BRMS1L: variants seen among roughly 807,000 people sequenced by gnomAD.
BRMS1L encodes BRMS1 like transcriptional repressor.
A neutral mutation model predicts 50.3 loss-of-function variants in BRMS1L; 23 were observed. The ratio of observed to expected loss-of-function variants is 0.46; its 90% confidence interval spans 0.33 to 0.65. The LOEUF is 0.65. Ranked by LOEUF, BRMS1L falls within the 30% of genes least tolerant of loss-of-function variation. The pLI is 0.02. For synonymous variants in BRMS1L, 114 were observed against 126.9 expected (o/e 0.90, Z 0.69); for missense variants, 286 against 386.1 (o/e 0.74, Z 2.17).
intron 8 of BRMS1L, among the ~76,000 whole-genome samples, chr14:35,867,108 A>G (rs887972715): frequency 4.6e-5 from 7 of 152,228 alleles, no homozygotes; most frequent in Admixed American, 4.6e-4. Flanking sequence ...TGAATGAATG[A>G]ATGAATGAAT....
chr14:35,835,814 C>T (rs2077984540), intron 4 of BRMS1L, among the ~76,000 whole-genome samples: 1 of 152,124 alleles, frequency 6.6e-6, no homozygotes, highest in Non-Finnish European at 1.5e-5. Context: ...CACTGTTCTG[C>T]AGCCTGGGTA....
At chr14:35,831,314 T>G (rs1014701683) in intron 1 of BRMS1L, 96 bp from the exon 2 acceptor site, 4 of 821,332 alleles carry the variant, frequency 4.9e-6, no homozygotes, top group Non-Finnish European at 2.0e-6. Flanking sequence ...ATATTACAGT[T>G]TTTCTTCCTA....
At chr14:35,833,953 C>A (rs1055709605) in intron 3 of BRMS1L, among the ~76,000 whole-genome samples, 1 of 152,076 alleles carries the variant, frequency 6.6e-6, no homozygotes, top group African/African-American at 2.4e-5. Context: ...TGACAACATA[C>A]CCTTAGAAGT....
chr14:35,828,245 T>C (rs534503397), intron 1 of BRMS1L, among the ~76,000 whole-genome samples: 5 of 152,210 alleles, frequency 3.3e-5, no homozygotes. Flanking sequence ...TGATCTTGGC[T>C]CACTGCAACC....
intron 4 of BRMS1L, among the ~76,000 whole-genome samples, chr14:35,853,679 A>G (rs530628948): frequency 6.6e-6 from 1 of 152,180 alleles, no homozygotes; most frequent in Admixed American, 6.5e-5. Context: ...CTCCTGCCTC[A>G]GCCTCCCAAA....
intron 3 of BRMS1L, 102 bp downstream of exon 3, chr14:35,833,207 C>T: frequency 1.7e-6 from 2 of 1,170,560 alleles, no homozygotes; most frequent in South Asian, 1.8e-5. Flanking sequence ...GGATTACAAG[C>T]ATATTTACAT....
At chr14:35,844,376 A>T (rs1056209177) in intron 4 of BRMS1L, among the ~76,000 whole-genome samples, 1 of 152,114 alleles carries the variant, frequency 6.6e-6, no homozygotes, top group Non-Finnish European at 1.5e-5. Context: ...AAAGCGTAGT[A>T]TCAGGGGCAG....
At chr14:35,846,884 T>G (rs1467738764) in intron 4 of BRMS1L, among the ~76,000 whole-genome samples, 1 of 152,134 alleles carries the variant, frequency 6.6e-6, no homozygotes, top group Non-Finnish European at 1.5e-5. Context: ...TTTAAACTCA[T>G]TTTTTGGTCT....
In BRMS1L at chr14:35,870,778, TG is replaced by T. The variant is rs2078481867; in HGVS notation, c.*302del. The T allele has an allele frequency of 6.1e-6, 1 of 163,316 alleles. No individual in the cohort carries two copies. The highest frequency in any genetic ancestry group is 2.4e-5 in the African/African-American group (1 of 41,782). The allele number at this position is 163,316 out of a possible 1,614,324, so 10.1% of individuals were successfully genotyped here. ...GGTTTTAAAAAAAGTTATGCAAATT[TG>T]TCTTATCTTTAGTAAACTATGACTA... On this transcript the variant is annotated 3_prime_UTR_variant, in exon 10 of 10. Coordinates refer to ENST00000216807, the MANE Select transcript of BRMS1L (RefSeq NM_032352.4).
chr14:35,865,643 A>G, intron 7 of BRMS1L, 79 bp from the exon 8 acceptor site: 2 of 1,087,716 alleles, frequency 1.8e-6, no homozygotes, highest in Non-Finnish European at 2.6e-6. Context: ...AATATTGTAT[A>G]TATTAAATAG....
intron 1 of BRMS1L, among the ~76,000 whole-genome samples, chr14:35,829,341 A>C (rs767063955): frequency 3.2e-4 from 48 of 152,148 alleles, no homozygotes; most frequent in Non-Finnish European, 2.9e-4. Context: ...TATTTGTTAA[A>C]ATTCTCCCCC....
chr14:35,842,071 T>C (rs1478803260), intron 4 of BRMS1L, among the ~76,000 whole-genome samples: 1 of 151,864 alleles, frequency 6.6e-6, no homozygotes, highest in African/African-American at 2.4e-5. Context: ...AGCTTATGTG[T>C]TTCTTTGCAC....
At chr14:35,860,109 A>T (rs1350708841) in intron 4 of BRMS1L, among the ~76,000 whole-genome samples, 1 of 152,130 alleles carries the variant, frequency 6.6e-6, no homozygotes, top group Non-Finnish European at 1.5e-5. Context: ...AAAGCAAAAA[A>T]TATTCAGGAT....
chr14:35,860,232 C>T (rs557772737), intron 4 of BRMS1L, among the ~76,000 whole-genome samples: 2 of 151,882 alleles, frequency 1.3e-5, no homozygotes, highest in Non-Finnish European at 2.9e-5. Context: ...TGGGCTCAAG[C>T]GATTCTAGTG....
At chr14:35,834,984 A>G in intron 4 of BRMS1L, 61 bp downstream of exon 4, 1 of 1,321,794 alleles carries the variant, frequency 7.6e-7, no homozygotes, top group African/African-American at 1.5e-5. Flanking sequence ...TTCTGAGTGT[A>G]GTAGTTAAAA....
At chr14:35,830,681 G>C (rs2077907885) in intron 1 of BRMS1L, among the ~76,000 whole-genome samples, 3 of 152,018 alleles carry the variant, frequency 2.0e-5, no homozygotes, top group African/African-American at 4.8e-5. Flanking sequence ...TATGTGACAG[G>C]CAAATCAGCC....
intron 9 of BRMS1L, among the ~76,000 whole-genome samples, chr14:35,868,600 G>A (rs1236166676): frequency 6.6e-6 from 1 of 152,140 alleles, no homozygotes; most frequent in Non-Finnish European, 1.5e-5. Flanking sequence ...TGGACAACTT[G>A]GCAAGACCCT....
intron 1 of BRMS1L, chr14:35,829,886 T>G (rs189803597): frequency 8.3e-7 from 1 of 1,202,350 alleles, no homozygotes; most frequent in African/African-American, 1.6e-5. Flanking sequence ...ACATAGAAAA[T>G]GTGGACTATA....
intron 8 of BRMS1L, 44 bp downstream of exon 8, chr14:35,865,805 T>A: frequency 6.5e-7 from 1 of 1,547,070 alleles, no homozygotes; most frequent in Non-Finnish European, 8.8e-7. Context: ...CTTTGGAGAC[T>A]TGTTGAATCA....
Sources: allele counts gnomAD v4.1 joint callset (sites outside exome capture counted in the v4.1 genomes callset), GRCh38; gene constraint gnomAD v4.1.1; transcripts MANE v1.5; gene names NCBI Gene and HGNC (gene_info 2026-07-23, HGNC 2026-07-21).